Variants in CCDC91 observed in about 807,000 individuals in gnomAD.
CCDC91 encodes the protein coiled-coil domain-containing protein 91.
In CCDC91, 48 loss-of-function variants were observed where a neutral mutation model predicts 63.2. The ratio of observed to expected loss-of-function variants is 0.76; its 90% CI spans 0.60 to 0.97. CCDC91 has a LOEUF of 0.97. CCDC91 is among the 50% of genes least tolerant of loss of function. CCDC91 has a pLI of 0.00. For missense variants in CCDC91, 500 were observed against 494.6 expected, an observed-to-expected ratio of 1.01 and a Z score of -0.10; for synonymous variants, 167 against 165.8, an observed-to-expected ratio of 1.01 and a Z score of -0.06.
At chr12:28,389,510 G>A (rs934809139) in intron 7 of CCDC91, among the ~76,000 whole-genome samples, 16 of 151,986 alleles carry the variant, frequency 1.1e-4, no homozygotes, top group African/African-American at 3.9e-4. Flanking sequence ...TGAGTATATA[G>A]TGTACAAATC....
At chr12:28,267,801 T>TA (rs1947340535) in intron 3 of CCDC91, among the ~76,000 whole-genome samples, 3 of 32,032 alleles carry the variant, frequency 9.4e-5, no homozygotes, top group Non-Finnish European at 1.3e-4. Flanking sequence ...TATATAATTA[T>TA]ATAGTAATAT....
intron 12 of CCDC91, among the ~76,000 whole-genome samples, chr12:28,502,133 T>C (rs1937981266): frequency 6.6e-6 from 1 of 151,942 alleles, no homozygotes; most frequent in Non-Finnish European, 1.5e-5. Context: ...GTCTATCAAT[T>C]CTGTTGATCC....
At chr12:28,391,497 G>T in intron 8 of CCDC91, 86 bp downstream of exon 8, 1 of 727,894 alleles carries the variant, frequency 1.4e-6, no homozygotes. Context: ...ATTCAGTTCT[G>T]TTCCATTTAC....
At chr12:28,228,694 G>C (rs191000857) in intron 1 of CCDC91, among the ~76,000 whole-genome samples, 186 of 152,142 alleles carry the variant, frequency 1.2e-3, no homozygotes, top group Non-Finnish European at 2.1e-3. Flanking sequence ...TCTGCATTCA[G>C]CATTTTCAAG....
At chr12:28,388,886 C>T (rs1945769904) in intron 7 of CCDC91, among the ~76,000 whole-genome samples, 1 of 152,104 alleles carries the variant, frequency 6.6e-6, no homozygotes, top group Admixed American at 6.6e-5. Flanking sequence ...AAATCTAAGA[C>T]CTGAAACTAT....
intron 6 of CCDC91, among the ~76,000 whole-genome samples, chr12:28,346,864 T>G (rs1426408788): frequency 6.6e-6 from 1 of 152,182 alleles, no homozygotes; most frequent in East Asian, 1.9e-4. Flanking sequence ...TCCCTTGATG[T>G]TGGGGGACGG....
chr12:28,218,471 A>AAAAAG (rs71039883), intron 1 of CCDC91, among the ~76,000 whole-genome samples: 28,431 of 151,148 alleles, frequency 0.19, 3,453 homozygotes, highest in Non-Finnish European at 0.28. Context: ...ATTAAAAAAA[A>AAAAAG]AAATCACCAA....
At chr12:28,520,028 A>C (rs1249734077) in intron 12 of CCDC91, among the ~76,000 whole-genome samples, 1 of 152,144 alleles carries the variant, frequency 6.6e-6, no homozygotes, top group Admixed American at 6.6e-5. Flanking sequence ...TGCCGCAATA[A>C]ACATACCTGT....
At chr12:28,489,661 C>A (rs1347610380) in intron 12 of CCDC91, among the ~76,000 whole-genome samples, 1 of 151,740 alleles carries the variant, frequency 6.6e-6, no homozygotes, top group African/African-American at 2.4e-5. Context: ...TTAGAGTATC[C>A]TTTTAATTTA....
intron 11 of CCDC91, among the ~76,000 whole-genome samples, chr12:28,461,319 A>G (rs1950301334): frequency 6.6e-6 from 1 of 152,050 alleles, no homozygotes; most frequent in African/African-American, 2.4e-5. Flanking sequence ...TGTGTGTATT[A>G]GAGAATATAA....
chr12:28,246,250 G>GA (rs1945722977), intron 1 of CCDC91, among the ~76,000 whole-genome samples: 1 of 152,052 alleles, frequency 6.6e-6, no homozygotes, highest in South Asian at 2.1e-4. Flanking sequence ...AGGGAATGAT[G>GA]AAAAAATAAA....
At chr12:28,345,461 T>G (rs1342897718) in intron 6 of CCDC91, among the ~76,000 whole-genome samples, 1 of 152,074 alleles carries the variant, frequency 6.6e-6, no homozygotes, top group Admixed American at 6.6e-5. Flanking sequence ...CCTTATGTAT[T>G]TAGATACTGT....
At chr12:28,519,620 G>A (rs1940367220) in intron 12 of CCDC91, among the ~76,000 whole-genome samples, 1 of 150,988 alleles carries the variant, frequency 6.6e-6, no homozygotes, top group South Asian at 2.1e-4. Flanking sequence ...TGCACAACGT[G>A]CAGGTTTGTT....
At chr12:28,399,733 G>T (rs2139469666) in intron 8 of CCDC91, among the ~76,000 whole-genome samples, 1 of 152,316 alleles carries the variant, frequency 6.6e-6, no homozygotes, top group East Asian at 1.9e-4. Flanking sequence ...CAGGCCCCAT[G>T]CAAGCCAGAA....
At chr12:28,536,511 A>T (rs1942188915) in intron 12 of CCDC91, among the ~76,000 whole-genome samples, 1 of 152,198 alleles carries the variant, frequency 6.6e-6, no homozygotes, top group South Asian at 2.1e-4. Context: ...TTTAAATCAG[A>T]TTTTCTGGAT....
intron 1 of CCDC91, among the ~76,000 whole-genome samples, chr12:28,213,469 G>A (rs1051642701): frequency 1.3e-5 from 2 of 152,192 alleles, no homozygotes; most frequent in African/African-American, 4.8e-5. Context: ...CATAAAGCTG[G>A]ATCAGACCAA....
In CCDC91 at chr12:28,452,549, G is replaced by T. The variant is rs752231015; in HGVS notation, c.996G>T (p.Ala332=). ...VEEERKNLEK[A]HAEERELWKT... is the part of the protein sequence containing the mutation. ...AAGAAAGAAAAAATTTAGAAAAAGC[G>T]CATGCTGAAGAAAGGGAATTATGGA... Residue 332 remains alanine, a synonymous_variant, in exon 11 of 13, where the codon GCG becomes GCT. Coordinates refer to ENST00000536442, the MANE Select transcript of CCDC91 (RefSeq NM_018318.5). 2.5e-6 allele frequency: 4 copies of T among 1,589,362 alleles called. No individual in the cohort carries two copies. Among genetic ancestry groups the T allele is most frequent in the Non-Finnish European group, 2.6e-6 (3 of 1,167,522 alleles).
intron 6 of CCDC91, chr12:28,319,208 A>G (rs1277450609): frequency 1.3e-5 from 2 of 151,986 alleles, no homozygotes; most frequent in Non-Finnish European, 2.9e-5. Flanking sequence ...AACTTCATGT[A>G]TTTTAGCACA....
chr12:28,432,456 A>G (rs1948680920), intron 8 of CCDC91, among the ~76,000 whole-genome samples: 2 of 152,030 alleles, frequency 1.3e-5, no homozygotes, highest in South Asian at 4.1e-4. Flanking sequence ...CTGCATGCTC[A>G]CACTCTTTCT....
Sources: allele counts gnomAD v4.1 joint callset (sites outside exome capture counted in the v4.1 genomes callset), GRCh38; gene constraint gnomAD v4.1.1; transcripts MANE v1.5; gene names NCBI Gene and HGNC (gene_info 2026-07-23, HGNC 2026-07-21).